The following SLC16A7 variants were observed in gnomAD, a reference collection of about 807,000 sequenced individuals.
SLC16A7 encodes the protein monocarboxylate transporter 2.
A neutral mutation model predicts 34.9 loss-of-function variants in SLC16A7; 33 were observed. That is an observed-to-expected ratio of 0.94 (90% CI 0.72 to 1.26). The LOEUF is 1.26. Ranked by LOEUF, SLC16A7 falls within the 50% of genes most tolerant of loss-of-function variation. The probability of loss-of-function intolerance (pLI) is 0.00; values close to 1 mark genes in which losing one functional copy is unlikely to be tolerated. For synonymous variants in SLC16A7, 201 were observed against 206.6 expected, an observed-to-expected ratio of 0.97 and a Z score of 0.23; for missense variants, 573 against 578.1, an observed-to-expected ratio of 0.99 and a Z score of 0.09.
chr12:59,661,638 C>G (rs898731690), intron 2 of SLC16A7, among the ~76,000 whole-genome samples: 4 of 152,076 alleles, frequency 2.6e-5, no homozygotes, highest in Admixed American at 2.0e-4. Context: ...ACTCAAATCA[C>G]CTTTCCAATA....
intron 3 of SLC16A7, among the ~76,000 whole-genome samples, chr12:59,711,097 A>T (rs1874174544): frequency 3.3e-5 from 5 of 152,206 alleles, no homozygotes; most frequent in Non-Finnish European, 7.4e-5. Flanking sequence ...TCTAAGGAAG[A>T]TTGCTAGGAC....
In SLC16A7 at chr12:59,786,653, C is replaced by A. The variant is rs575468855; in HGVS notation, c.*6974C>A. On this transcript the variant is annotated 3_prime_UTR_variant, in exon 6 of 6. Coordinates refer to ENST00000547379, the MANE Select transcript of SLC16A7 (RefSeq NM_001270623.2). Reference sequence around the variant, plus strand: ...ATATGTTTAATGAATTCATTTCATCCTCTCAACCCTCAGTTTTGATAGGTA... The same window carrying A: ...ATATGTTTAATGAATTCATTTCATCATCTCAACCCTCAGTTTTGATAGGTA... 5 of 152,142 alleles carry A rather than the reference C, an allele frequency of 3.3e-5. No homozygotes were observed. The East Asian group carries it at 9.6e-4, about 29-fold the overall frequency. 9.4% of individuals were successfully genotyped at this position (152,142 alleles called of 1,614,324 possible).
chr12:59,601,637 A>G (rs962489135), intron 1 of SLC16A7, among the ~76,000 whole-genome samples: 1 of 152,160 alleles, frequency 6.6e-6, no homozygotes, highest in Admixed American at 6.5e-5. Flanking sequence ...TGCGATAACA[A>G]ACTATAGACA....
intron 3 of SLC16A7, among the ~76,000 whole-genome samples, chr12:59,770,142 ATTATT>A (rs752950870): frequency 7.2e-5 from 11 of 152,166 alleles, no homozygotes; most frequent in Non-Finnish European, 1.3e-4. Context: ...TTAAATGCAG[ATTATT>A]TTAATAATTT....
intron 4 of SLC16A7, among the ~76,000 whole-genome samples, chr12:59,772,511 C>T (rs1185370412): frequency 2.0e-5 from 3 of 151,182 alleles, no homozygotes; most frequent in Admixed American, 2.0e-4. Flanking sequence ...ATTCCTTTGG[C>T]TCTTAAATAC....
chr12:59,717,659 A>G (rs1288232828), intron 3 of SLC16A7, among the ~76,000 whole-genome samples: 1 of 152,178 alleles, frequency 6.6e-6, no homozygotes, highest in Non-Finnish European at 1.5e-5. Flanking sequence ...TAGAAACCTG[A>G]GGCAATTCAT....
chr12:59,778,326 C>T (rs992058674), intron 5 of SLC16A7, among the ~76,000 whole-genome samples: 3 of 152,062 alleles, frequency 2.0e-5, no homozygotes, highest in Non-Finnish European at 4.4e-5. Context: ...ATTATACCAT[C>T]TACCTGATTA....
chr12:59,664,731 G>A (rs906851212), intron 2 of SLC16A7: 2 of 152,108 alleles, frequency 1.3e-5, no homozygotes, highest in Non-Finnish European at 2.9e-5. Flanking sequence ...ACTCTGAAAA[G>A]TATGAACTAA....
Position 59,779,084 on chromosome 12 carries a change from G to T in SLC16A7, c.1181-339G>T, listed in dbSNP as rs113475790. On this transcript the variant is annotated intron_variant, in intron 5 of 5. Coordinates refer to ENST00000547379, the MANE Select transcript of SLC16A7 (RefSeq NM_001270623.2). ...AATCCTAACGTGTGCTGTAAATAGA[G>T]ATATCTATATTCACATGTATAGATA... Among the ~76,000 whole-genome samples the T allele has an allele frequency of 1.1e-3, 173 of 152,028 alleles. 2 individuals carry two copies. Among genetic ancestry groups the T allele is most frequent in the African/African-American group, 4.1e-3 (169 of 41,482 alleles).
In SLC16A7 at chr12:59,655,830, G is replaced by A. The variant is rs114491011; in HGVS notation, c.-31+580G>A. Among the ~76,000 whole-genome samples, 1,310 of 151,916 alleles carry A rather than the reference G, an allele frequency of 8.6e-3. 14 individuals are homozygous for A. Among genetic ancestry groups the A allele is most frequent in the African/African-American group, 0.029 (1,214 of 41,458 alleles). On this transcript the variant is annotated intron_variant, in intron 2 of 5. Coordinates refer to ENST00000547379, the MANE Select transcript of SLC16A7 (RefSeq NM_001270623.2). ...AAGCAGGTCAGGGATTTCAATCCTC[G>A]CTGTGCAGATGAGAAAACTGATGCT...
rs1298188585 is a variant in SLC16A7 at position 59,775,216 on chromosome 12, A to G, written c.921A>G (p.Lys307=). ...CTGTAGGATTAATTGCAAACTCCAA[A>G]TATATTCGACCTCGAATTCAGTACT... ...RPSVGLIANS[K]YIRPRIQYFF... Residue 307 remains lysine (K), a synonymous_variant, in exon 5 of 6, where the codon AAA becomes AAG. Transcript: ENST00000547379. 6.2e-7 allele frequency: 1 copy of G among 1,614,132 alleles called. No individual in the cohort carries two copies.
At chr12:59,753,971 T>C (rs1252232192) in intron 3 of SLC16A7, among the ~76,000 whole-genome samples, 1 of 152,084 alleles carries the variant, frequency 6.6e-6, no homozygotes, top group Admixed American at 6.6e-5. Flanking sequence ...ACCACTCAAC[T>C]ACATGGAAAC....
At chr12:59,764,601 C>A (rs751675234) in intron 3 of SLC16A7, among the ~76,000 whole-genome samples, 3 of 151,254 alleles carry the variant, frequency 2.0e-5, no homozygotes, top group South Asian at 4.2e-4. Context: ...TTTGTCCTTG[C>A]GATAGTTTGC....
At chr12:59,614,851 AAATT>A (rs1285282012) in intron 1 of SLC16A7, among the ~76,000 whole-genome samples, 5 of 148,674 alleles carry the variant, frequency 3.4e-5, no homozygotes, top group Non-Finnish European at 7.4e-5. Flanking sequence ...AAAAAAAAAA[AAATT>A]AGCCAGGCGT....
chr12:59,677,607 A>G (rs1187198742), intron 2 of SLC16A7, among the ~76,000 whole-genome samples: 2 of 152,080 alleles, frequency 1.3e-5, no homozygotes, highest in Non-Finnish European at 2.9e-5. Context: ...TTGTCTTTCC[A>G]CAAGGCTACT....
At position 59,696,897 on chromosome 12, in the gene SLC16A7, T is replaced by C. The variant is rs147085037; in HGVS notation, c.-30-7875T>C. On this transcript the variant is annotated intron_variant, in intron 2 of 5. Transcript: ENST00000547379. ...TGCACCCTGGAACCCATAGTTATCA[T>C]TCAAATCAAGGAAATATGCTGAAAA... 1.4e-3 allele frequency among the ~76,000 whole-genome samples: 213 copies of C among 152,042 alleles called. 1 individual carries two copies. Among genetic ancestry groups the C allele is most frequent in the Middle Eastern group, 6.8e-3 (2 of 294 alleles).
chr12:59,622,379 T>G (rs2136982311), intron 1 of SLC16A7, among the ~76,000 whole-genome samples: 1 of 151,992 alleles, frequency 6.6e-6, no homozygotes, highest in South Asian at 2.1e-4. Context: ...TTCAATTATC[T>G]TTTATTTCAT....
intron 1 of SLC16A7, among the ~76,000 whole-genome samples, chr12:59,620,785 TTAATCAGAAACCAATAAAATTAGGCACA>T (rs1245292495): frequency 6.6e-6 from 1 of 151,848 alleles, no homozygotes; most frequent in East Asian, 1.9e-4. Context: ...TATGGGAGTA[TTAATCAGAAACCAATAAAATTAGGCACA>T]TGAGTTCACC....
rs1385407392 is a variant in SLC16A7, at chr12:59,785,277, CT to C, written c.*5601del. The C allele has an allele frequency of 4.6e-5, 7 of 152,230 alleles. No homozygotes were observed. The East Asian group carries it at 1.3e-3, about 29-fold the overall frequency. 9.4% of individuals were successfully genotyped at this position (152,230 alleles called of 1,614,324 possible). A position where few individuals can be genotyped will look rare whatever the true frequency, so the allele number is the denominator to read the frequency against. On this transcript the variant is annotated 3_prime_UTR_variant, in exon 6 of 6. Transcript: ENST00000547379. The stretch of plus-strand genomic sequence containing the variant: ...TGTTTGTACACTGGAGATTTTAGCT[CT>C]TTACAGGGTGCTACAATCTGGTTTA...
Sources: allele counts gnomAD v4.1 joint callset (sites outside exome capture counted in the v4.1 genomes callset), GRCh38; gene constraint gnomAD v4.1.1; transcripts MANE v1.5; gene names NCBI Gene and HGNC (gene_info 2026-07-23, HGNC 2026-07-21).